SIK2: variants seen among roughly 807,000 people sequenced by gnomAD.
SIK2 encodes salt inducible kinase 2, also known as serine/threonine-protein kinase SIK2.
In SIK2, 29 loss-of-function variants were observed where a neutral mutation model predicts 103.2. The observed-to-expected ratio is 0.28, with a 90% CI of 0.21 to 0.38. The LOEUF is 0.38. Among genes scored for constraint, SIK2 ranks in the 10% least tolerant of loss-of-function variants. The probability of loss-of-function intolerance (pLI) is 1.00; values close to 1 mark genes in which losing one functional copy is unlikely to be tolerated. For synonymous variants in SIK2, 412 were observed against 446.1 expected (o/e 0.92, Z 0.96); for missense variants, 879 against 1,171.0 (o/e 0.75, Z 3.64).
intron 3 of SIK2, among the ~76,000 whole-genome samples, chr11:111,649,841 A>G (rs1591600951): frequency 2.0e-5 from 3 of 152,174 alleles, no homozygotes; most frequent in East Asian, 3.8e-4. Flanking sequence ...TCTCATAACT[A>G]ACAAGATCTT....
intron 3 of SIK2, among the ~76,000 whole-genome samples, chr11:111,656,317 T>TA (rs1266459465): frequency 6.6e-6 from 1 of 152,246 alleles, no homozygotes; most frequent in African/African-American, 2.4e-5. Flanking sequence ...ACTATTTCTC[T>TA]GTTAATAATG....
At chr11:111,692,802 A>T (rs975647145) in intron 4 of SIK2, among the ~76,000 whole-genome samples, 15 of 151,786 alleles carry the variant, frequency 9.9e-5, no homozygotes, top group Admixed American at 2.6e-4. Flanking sequence ...CCCTCAAATT[A>T]TACTTTTTTC....
intron 9 of SIK2, among the ~76,000 whole-genome samples, chr11:111,713,129 C>A (rs1943547670): frequency 6.6e-6 from 1 of 152,232 alleles, no homozygotes; most frequent in South Asian, 2.1e-4. Flanking sequence ...CACAGCACCA[C>A]ACTCCAGCCT....
rs1406712735 is a variant in SIK2 at position 111,705,371 on chromosome 11, G to T, written c.1101+232G>T. Among the ~76,000 whole-genome samples, 1 of 152,134 alleles carries T rather than the reference G, an allele frequency of 6.6e-6. No homozygotes were observed. Among genetic ancestry groups the T allele is most frequent in the Non-Finnish European group, 1.5e-5 (1 of 68,036 alleles). ...TTGTTTTCATCATTCACAATGTTGA[G>T]AATTACTATCACTAGCCTTTACATT... On this transcript the variant is annotated intron_variant, in intron 8 of 14. Transcript: ENST00000304987. The surrounding 1 kb of genome is among the most constrained non-coding windows in gnomAD (Gnocchi z 4.3).
At chr11:111,614,501 ATAAAG>A (rs1301780226) in intron 1 of SIK2, among the ~76,000 whole-genome samples, 5 of 152,248 alleles carry the variant, frequency 3.3e-5, no homozygotes, top group Admixed American at 1.3e-4. Flanking sequence ...TATTCTTATA[ATAAAG>A]TAAACTAGGG....
chr11:111,650,645 A>G (rs1016307632), intron 3 of SIK2, among the ~76,000 whole-genome samples: 4 of 152,094 alleles, frequency 2.6e-5, no homozygotes, highest in Admixed American at 1.3e-4. Flanking sequence ...CATTTTTTCT[A>G]TTCATACCTC....
Position 111,694,810 on chromosome 11 carries a change from T to C in SIK2, c.479-6076T>C, listed in dbSNP as rs185996618. 1.0e-3 allele frequency among the ~76,000 whole-genome samples: 153 copies of C among 152,314 alleles called. 1 individual carries two copies. In the East Asian group the frequency reaches 0.025, roughly 25 times the overall value. On this transcript the variant is annotated intron_variant, in intron 4 of 14. Transcript: ENST00000304987. ...GGTTTGGTTTGATTTGATTTTTTTT[T>C]CCCTCTTCATTTCTCTTCCCCTTCA...
chr11:111,620,743 TCTA>T (rs1045867893), intron 3 of SIK2, among the ~76,000 whole-genome samples: 2 of 152,194 alleles, frequency 1.3e-5, no homozygotes, highest in African/African-American at 4.8e-5. Context: ...TTATTAAGCT[TCTA>T]CTATGTCCCA....
intron 2 of SIK2, among the ~76,000 whole-genome samples, chr11:111,618,041 A>G (rs1003570157): frequency 6.6e-5 from 10 of 152,056 alleles, no homozygotes; most frequent in African/African-American, 2.4e-4. Flanking sequence ...AGTGCATGAC[A>G]GTGTGTTTGG....
At chr11:111,631,589 T>C (rs1942039705) in intron 3 of SIK2, among the ~76,000 whole-genome samples, 1 of 152,114 alleles carries the variant, frequency 6.6e-6, no homozygotes, top group South Asian at 2.1e-4. Flanking sequence ...GCTGGAATAA[T>C]AGAAGAGTGG....
At chr11:111,611,988 TGTTG>T (rs1941733491) in intron 1 of SIK2, among the ~76,000 whole-genome samples, 2 of 152,176 alleles carry the variant, frequency 1.3e-5, no homozygotes, top group Non-Finnish European at 2.9e-5. Context: ...CTTTTTTTTT[TGTTG>T]GTAAAATGTG....
At chr11:111,699,212 C>T (rs1345434136) in intron 4 of SIK2, among the ~76,000 whole-genome samples, 1 of 152,126 alleles carries the variant, frequency 6.6e-6, no homozygotes, top group Non-Finnish European at 1.5e-5. Flanking sequence ...TCCTGGATAC[C>T]AAAGGCAGAC....
intron 3 of SIK2, among the ~76,000 whole-genome samples, chr11:111,662,351 C>T (rs79757276): frequency 0.023 from 3,564 of 152,204 alleles, 140 homozygotes; most frequent in African/African-American, 0.08. Context: ...GAAAACAGTT[C>T]AAAATCCTTG....
At chr11:111,669,529 T>C (rs1299238484) in intron 3 of SIK2, among the ~76,000 whole-genome samples, 1 of 152,038 alleles carries the variant, frequency 6.6e-6, no homozygotes, top group Admixed American at 6.6e-5. Context: ...CCAGGAGTTC[T>C]AATCCAGCCT....
intron 3 of SIK2, among the ~76,000 whole-genome samples, chr11:111,622,831 GCTTT>G (rs1476000003): frequency 2.0e-5 from 3 of 151,914 alleles, no homozygotes; most frequent in East Asian, 3.9e-4. Flanking sequence ...TGCTTTTAAG[GCTTT>G]CTATTTACCA....
At chr11:111,689,574 T>C in intron 4 of SIK2, among the ~76,000 whole-genome samples, 1 of 152,114 alleles carries the variant, frequency 6.6e-6, no homozygotes, top group Admixed American at 6.6e-5. Flanking sequence ...ATGGTGGTGT[T>C]TTGTTCTAAG....
At chr11:111,682,452 A>G (rs1300424139) in intron 3 of SIK2, among the ~76,000 whole-genome samples, 1 of 152,230 alleles carries the variant, frequency 6.6e-6, no homozygotes, top group Non-Finnish European at 1.5e-5. Context: ...AAACAAGCCA[A>G]CTATGGAGAT....
intron 1 of SIK2, among the ~76,000 whole-genome samples, chr11:111,614,158 T>G (rs1371642404): frequency 6.6e-6 from 1 of 151,684 alleles, no homozygotes; most frequent in Non-Finnish European, 1.5e-5. Flanking sequence ...CTTGGCTCAT[T>G]GCAACCTCTG....
At chr11:111,658,463 C>T (rs1942424248) in intron 3 of SIK2, among the ~76,000 whole-genome samples, 1 of 152,080 alleles carries the variant, frequency 6.6e-6, no homozygotes, top group Non-Finnish European at 1.5e-5. Context: ...AGAGATACGG[C>T]CGAGTGCAGT....
Sources: gnomAD v4.1 joint callset for allele counts (sites outside exome capture counted in the v4.1 genomes callset) on GRCh38, gnomAD v4.1.1 for gene constraint, Gnocchi (gnomAD v3.1) non-coding constraint, MANE v1.5 for transcripts, NCBI Gene and HGNC (gene_info 2026-07-23, HGNC 2026-07-21) for gene names.